The following SASH1 variants were observed in gnomAD, a reference collection of about 807,000 sequenced individuals.
SASH1 encodes SAM and SH3 domain containing 1.
SASH1 carries 44 observed loss-of-function variants against 125.2 expected under a neutral mutation model. The ratio of observed to expected loss-of-function variants is 0.35; its 90% CI spans 0.28 to 0.45. The LOEUF is 0.45. Among genes scored for constraint, SASH1 ranks in the 20% least tolerant of loss-of-function variants. The probability of loss-of-function intolerance (pLI) is 1.00; values close to 1 mark genes in which losing one functional copy is unlikely to be tolerated. For missense variants in SASH1, 1,426 were observed against 1,614.5 expected (o/e 0.88, Z 2.00); for synonymous variants, 639 against 649.1 (o/e 0.98, Z 0.24).
At chr6:148,298,021 T>G (rs1779809822) in intron 1 of SASH1, among the ~76,000 whole-genome samples, 1 of 151,468 alleles carries the variant, frequency 6.6e-6, no homozygotes, top group African/African-American at 2.4e-5. Context: ...TATATTTTTT[T>G]TTTGAGATGG....
At chr6:148,363,062 G>T (rs1254518733) in intron 1 of SASH1, among the ~76,000 whole-genome samples, 1 of 152,202 alleles carries the variant, frequency 6.6e-6, no homozygotes, top group Non-Finnish European at 1.5e-5. Flanking sequence ...GGTCTGGGCA[G>T]ATATGCTGAT....
At chr6:148,195,375 G>A in the SASH1 span, among the ~76,000 whole-genome samples, 3 of 152,222 alleles carry the variant, frequency 2.0e-5, no homozygotes, top group African/African-American at 7.2e-5. Context: ...GGCAGAGGCC[G>A]ATGCTCAGGA....
Position 148,522,398 on chromosome 6 carries a change from T to C in SASH1, c.1209+2505T>C, listed in dbSNP as rs551805054. Among the ~76,000 whole-genome samples the C allele has an allele frequency of 8.5e-5, 13 of 152,364 alleles. No homozygotes were observed. In the East Asian group the frequency reaches 1.5e-3, roughly 18 times the overall value. ...TCTTTGCTAGATTTATTTAAAAGGT[T>C]ATTTTCCATTCTCCTTGTCATATTT... On this transcript the variant is annotated intron_variant, in intron 10 of 19. Coordinates refer to ENST00000367467, the MANE Select transcript of SASH1 (RefSeq NM_015278.5).
At chr6:148,349,933 C>T (rs1002926906) in intron 1 of SASH1, among the ~76,000 whole-genome samples, 1 of 151,688 alleles carries the variant, frequency 6.6e-6, no homozygotes, top group Admixed American at 6.6e-5. Flanking sequence ...GCAAGCTCCT[C>T]CTCCCGGGTT....
chr6:148,327,235 G>A (rs765267729), intron 1 of SASH1, among the ~76,000 whole-genome samples: 2 of 151,600 alleles, frequency 1.3e-5, no homozygotes, highest in African/African-American at 2.4e-5. Context: ...ATGGAGGAAC[G>A]AACGGACGAA....
intron 10 of SASH1, among the ~76,000 whole-genome samples, chr6:148,524,121 AT>A (rs796565408): frequency 7.8e-5 from 10 of 128,602 alleles, no homozygotes; most frequent in Admixed American, 1.6e-4. Context: ...ATATATATAT[AT>A]TTTTTTTAAT....
At chr6:148,470,213 T>C (rs17642197) in intron 5 of SASH1, among the ~76,000 whole-genome samples, 10,234 of 152,268 alleles carry the variant, frequency 0.067, 444 homozygotes, top group Non-Finnish European at 0.097. Context: ...AAGCTCTGTC[T>C]TTGGCGGAAA....
intron 2 of SASH1, among the ~76,000 whole-genome samples, chr6:148,393,477 A>G (rs1043599771): frequency 6.6e-6 from 1 of 152,178 alleles, no homozygotes; most frequent in African/African-American, 2.4e-5. Flanking sequence ...GACCACTGAC[A>G]CAACACTAAA....
chr6:148,343,212 A>C lies in SASH1; in HGVS notation c.145A>C (p.Met49Leu), dbSNP rs773218848. 1 of 1,590,372 alleles carries C rather than the reference A, an allele frequency of 6.3e-7. No individual in the cohort carries two copies. The highest frequency in any genetic ancestry group is 2.3e-5 in the East Asian group (1 of 44,040). Residue 49 changes from methionine to leucine, a missense_variant, in exon 1 of 20, where the codon ATG becomes CTG. Coordinates refer to ENST00000367467, the MANE Select transcript of SASH1 (RefSeq NM_015278.5). ...GTTCTCCCGACTCTGGACCGACGTGATGGGTATCCTGGTAAGTTACCTGGG... is the reference window on the plus strand; with the variant it reads ...GTTCTCCCGACTCTGGACCGACGTGCTGGGTATCCTGGTAAGTTACCTGGG... ...EAFSRLWTDV[M>L]GILDGSLGNI...
Position 148,548,434 on chromosome 6 carries a change from G to T in SASH1, c.3620G>T (p.Ser1207Ile), listed in dbSNP as rs1012355491. Reference sequence around the variant, plus strand: ...TCCACCGCGGGCTTCAGCACACTGAGCCAAGTGCCTTCTCTGTCTCACACT... The same window carrying T: ...TCCACCGCGGGCTTCAGCACACTGATCCAAGTGCCTTCTCTGTCTCACACT... The part of the protein sequence containing the change: ...TLSTAGFSTL[S>I]QVPSLSHTCL... Residue 1207 changes from serine (S) to isoleucine (I), a missense_variant, in exon 20 of 20, where the codon AGC becomes ATC. By Grantham distance (142) the Ser-to-Ile change is moderately radical (BLOSUM62 -2). Around this residue, in one of 3 missense-constraint regions of SASH1, gnomAD observed 634 missense variants for 694.4 expected, o/e 0.91. Transcript: ENST00000367467. 2.5e-6 allele frequency: 4 copies of T among 1,614,074 alleles called. No individual in the cohort carries two copies. In the African/African-American group the frequency reaches 4.0e-5, roughly 16 times the overall value.
chr6:148,382,326 G>T (rs1783172758), intron 1 of SASH1, among the ~76,000 whole-genome samples: 1 of 152,174 alleles, frequency 6.6e-6, no homozygotes, highest in African/African-American at 2.4e-5. Flanking sequence ...GTCTCGCTCT[G>T]TCACCCAGGC....
chr6:148,302,201 G>C (rs1297532498), intron 1 of SASH1, among the ~76,000 whole-genome samples: 1 of 149,096 alleles, frequency 6.7e-6, no homozygotes, highest in African/African-American at 2.5e-5. Context: ...TGTAGTCCCA[G>C]CTACTCGGGA....
the SASH1 span, among the ~76,000 whole-genome samples, chr6:148,210,744 G>GAGTTA: frequency 1.3e-5 from 2 of 151,996 alleles, no homozygotes; most frequent in Non-Finnish European, 2.9e-5. Flanking sequence ...GAGTTAGTTT[G>GAGTTA]GTCATTATAA....
intron 1 of SASH1, among the ~76,000 whole-genome samples, chr6:148,308,274 G>C (rs1041722206): frequency 2.7e-3 from 404 of 150,036 alleles, no homozygotes; most frequent in African/African-American, 8.3e-3. Context: ...TATTAAATCC[G>C]CCCCCCCCAA....
intron 1 of SASH1, among the ~76,000 whole-genome samples, chr6:148,322,291 G>A (rs146765454): frequency 6.6e-6 from 1 of 152,244 alleles, no homozygotes; most frequent in East Asian, 1.9e-4. Context: ...AGTGGAGATT[G>A]CATTGAGCCG....
chr6:148,475,423 G>A (rs969128886), intron 7 of SASH1, among the ~76,000 whole-genome samples: 8 of 152,174 alleles, frequency 5.3e-5, no homozygotes, highest in African/African-American at 9.7e-5. Context: ...ATGACACCTT[G>A]TACACCACAT....
chr6:148,531,913 G>A (rs1318059885), intron 13 of SASH1, among the ~76,000 whole-genome samples: 2 of 151,996 alleles, frequency 1.3e-5, no homozygotes, highest in East Asian at 3.9e-4. Context: ...CTCAGAGGAA[G>A]GATCTAGAGA....
chr6:148,327,951 A>AAAAGAAAAAG (rs1554235663), intron 1 of SASH1, among the ~76,000 whole-genome samples: 1 of 148,198 alleles, frequency 6.7e-6, no homozygotes, highest in Non-Finnish European at 1.5e-5. Context: ...AAAAAAAAAA[A>AAAAGAAAAAG]AAAAAGAAAA....
intron 1 of SASH1, among the ~76,000 whole-genome samples, chr6:148,306,437 T>C (rs1449458421): frequency 6.6e-6 from 1 of 152,144 alleles, no homozygotes; most frequent in Non-Finnish European, 1.5e-5. Context: ...GGGAAACTCT[T>C]GTTGATTGGC....
Sources: allele counts gnomAD v4.1 joint callset (sites outside exome capture counted in the v4.1 genomes callset), GRCh38; gene constraint gnomAD v4.1.1; regional missense constraint gnomAD v4.1.1; transcripts MANE v1.5; gene names NCBI Gene and HGNC (gene_info 2026-07-23, HGNC 2026-07-21).